The following LCOR variants were observed in gnomAD, a reference collection of about 807,000 sequenced individuals.
LCOR encodes ligand-dependent corepressor.
A neutral mutation model predicts 64.4 loss-of-function variants in LCOR; 14 were observed. The ratio of observed to expected loss-of-function variants is 0.22; its 90% CI spans 0.14 to 0.34. LCOR has a LOEUF of 0.34. Among genes scored for constraint, LCOR ranks in the 10% least tolerant of loss-of-function variants. The pLI is 1.00. For synonymous variants in LCOR, 643 were observed against 642.5 expected (o/e 1.00, Z -0.01); for missense variants, 1,686 against 1,765.3 (o/e 0.96, Z 0.80).
chr10:96,871,878 C>G (rs192147081), intron 2 of LCOR, among the ~76,000 whole-genome samples: 1 of 152,162 alleles, frequency 6.6e-6, no homozygotes, highest in South Asian at 2.1e-4. Flanking sequence ...AAAACAACAA[C>G]AGTAAACAAA....
At position 96,990,198 on chromosome 10, in the gene LCOR, C is replaced by G. The variant is rs532042230; in HGVS notation, c.*5064C>G. ...CCTGCCCAGCCCCCAGACAGGGTCT[C>G]ACTCTGTCGCCCCAGGCTGGAGTGC... On this transcript the variant is annotated 3_prime_UTR_variant, in exon 8 of 8. Transcript: ENST00000421806. 1 of 152,214 alleles carries G rather than the reference C, an allele frequency of 6.6e-6. No individual in the cohort carries two copies. The highest frequency in any genetic ancestry group is 1.9e-4 in the East Asian group (1 of 5,174). The allele number at this position is 152,214 out of a possible 1,614,324, so 9.4% of individuals were successfully genotyped here. A position where few individuals can be genotyped will look rare whatever the true frequency, so the allele number is the denominator to read the frequency against.
intron 7 of LCOR, chr10:96,957,780 A>C (rs1414426869): frequency 1.0e-6 from 1 of 985,402 alleles, no homozygotes; most frequent in Non-Finnish European, 1.2e-6. Flanking sequence ...AAATACATGC[A>C]CTGCTCATTC....
intron 1 of LCOR, chr10:96,832,856 GTCC>G (rs1400489636): frequency 2.7e-6 from 1 of 371,622 alleles, no homozygotes; most frequent in Non-Finnish European, 3.7e-6. Flanking sequence ...GGCCGCCGCC[GTCC>G]TCCTCCTGCG....
At chr10:96,964,975 A>G (rs745555471) in intron 7 of LCOR, among the ~76,000 whole-genome samples, 5 of 152,100 alleles carry the variant, frequency 3.3e-5, no homozygotes, top group Non-Finnish European at 5.9e-5. Flanking sequence ...ACCAGAACAC[A>G]TAAAGAACAG....
intron 5 of LCOR, among the ~76,000 whole-genome samples, chr10:96,944,619 A>T (rs546192466): frequency 2.0e-5 from 3 of 151,132 alleles, no homozygotes; most frequent in Non-Finnish European, 4.4e-5. Context: ...AGTAATTTCA[A>T]CGTGAAATTT....
intron 4 of LCOR, among the ~76,000 whole-genome samples, chr10:96,915,465 C>A (rs1314149144): frequency 1.3e-5 from 2 of 152,090 alleles, no homozygotes; most frequent in African/African-American, 4.8e-5. Flanking sequence ...AGGTTGCAGT[C>A]AGCCGAGATT....
intron 2 of LCOR, among the ~76,000 whole-genome samples, chr10:96,867,079 C>T (rs1281874815): frequency 5.9e-5 from 9 of 152,102 alleles, no homozygotes; most frequent in African/African-American, 1.7e-4. Flanking sequence ...CTCCGTCTCC[C>T]AGGTTCAAGC....
rs544201591 is a variant in LCOR at position 96,870,042 on chromosome 10, TTTG to T, written c.-330+36587_-330+36589del. The stretch of plus-strand genomic sequence containing the variant: ...TAAACTTCTAACCATAAGTTCTTTG[TTTG>T]TTGTTGTTGTTGTTGTTGTTGTTTT... On this transcript the variant is annotated intron_variant, in intron 2 of 7. Transcript: ENST00000421806. Among the ~76,000 whole-genome samples the T allele has an allele frequency of 1.7e-3, 255 of 150,438 alleles. 1 individual carries two copies. The highest frequency in any genetic ancestry group is 2.1e-3 in the Non-Finnish European group (142 of 67,880).
chr10:96,861,485 A>G (rs1270766141), intron 2 of LCOR, among the ~76,000 whole-genome samples: 3 of 152,108 alleles, frequency 2.0e-5, no homozygotes, highest in Non-Finnish European at 4.4e-5. Context: ...TTTTTCCCCC[A>G]CCAATAAGCA....
intron 4 of LCOR, among the ~76,000 whole-genome samples, chr10:96,943,792 G>GA (rs1028459120): frequency 6.7e-6 from 1 of 148,816 alleles, no homozygotes; most frequent in Non-Finnish European, 1.5e-5. Flanking sequence ...AGTTGCCTGT[G>GA]AAAAATAACT....
In LCOR at chr10:96,984,684, A is replaced by G; in HGVS notation, c.4224A>G (p.Pro1408=). The G allele has an allele frequency of 2.5e-6, 4 of 1,614,200 alleles. No individual in the cohort carries two copies. The highest frequency in any genetic ancestry group is 2.5e-6 in the Non-Finnish European group (3 of 1,180,052). ...KRKRTEGSSP[P]DSKNKGPTVK... is the part of the protein sequence containing the mutation. Reference sequence around the variant, plus strand: ...AGAGAACAGAAGGCAGCAGCCCTCCAGATAGTAAGAACAAGGGGCCTACGG... The same window carrying G: ...AGAGAACAGAAGGCAGCAGCCCTCCGGATAGTAAGAACAAGGGGCCTACGG... The change falls in exon 8 of 8, where the codon CCA becomes CCG. Residue 1408 remains proline (P), a synonymous_variant. Transcript: ENST00000421806.
chr10:96,895,505 A>G (rs1846521850), intron 2 of LCOR, among the ~76,000 whole-genome samples: 2 of 152,178 alleles, frequency 1.3e-5, no homozygotes, highest in Non-Finnish European at 2.9e-5. Context: ...CTACCTGGTA[A>G]TCTTAAACAA....
At chr10:96,877,268 A>G (rs1328236265) in intron 2 of LCOR, among the ~76,000 whole-genome samples, 1 of 152,150 alleles carries the variant, frequency 6.6e-6, no homozygotes, top group Non-Finnish European at 1.5e-5. Flanking sequence ...TCATGCCTGT[A>G]ATTCAAGCAC....
chr10:96,874,251 C>T (rs147876473), intron 2 of LCOR, among the ~76,000 whole-genome samples: 130 of 152,266 alleles, frequency 8.5e-4, no homozygotes, highest in African/African-American at 2.8e-3. Context: ...CTTCCACGTG[C>T]GCCATCATTA....
chr10:96,960,580 GA>G (rs1847864038), intron 7 of LCOR: 1 of 152,102 alleles, frequency 6.6e-6, no homozygotes, highest in African/African-American at 2.4e-5. Flanking sequence ...TTTTTTAGGA[GA>G]TATTGAAAGT....
intron 2 of LCOR, among the ~76,000 whole-genome samples, chr10:96,860,651 G>T (rs1250984870): frequency 1.3e-5 from 2 of 152,036 alleles, no homozygotes; most frequent in African/African-American, 2.4e-5. Flanking sequence ...TTTAATTTTG[G>T]GTAAGTCCAT....
intron 7 of LCOR, among the ~76,000 whole-genome samples, chr10:96,975,112 C>T (rs978158569): frequency 2.6e-5 from 4 of 152,050 alleles, no homozygotes; most frequent in Non-Finnish European, 5.9e-5. Flanking sequence ...TGGCGGTTGC[C>T]GTGAGCCAAG....
chr10:96,924,455 T>C (rs1847133569), intron 4 of LCOR, among the ~76,000 whole-genome samples: 1 of 152,068 alleles, frequency 6.6e-6, no homozygotes, highest in Non-Finnish European at 1.5e-5. Context: ...TTGCCCAGGC[T>C]GGTCTCAAAG....
At chr10:96,910,614 T>C (rs1462484881) in intron 4 of LCOR, among the ~76,000 whole-genome samples, 3 of 152,216 alleles carry the variant, frequency 2.0e-5, no homozygotes, top group Non-Finnish European at 4.4e-5. Context: ...AAATGTATTA[T>C]ATCCGTTGGA....
Sources: allele counts gnomAD v4.1 joint callset (sites outside exome capture counted in the v4.1 genomes callset), GRCh38; gene constraint gnomAD v4.1.1; transcripts MANE v1.5; gene names NCBI Gene and HGNC (gene_info 2026-07-23, HGNC 2026-07-21).